EYS: variants seen among roughly 807,000 people sequenced by gnomAD.
EYS encodes the protein protein eyes shut homolog.
Under a neutral mutation model 282.1 loss-of-function variants are expected in EYS, and 250 were observed. The ratio of observed to expected loss-of-function variants is 0.89; its 90% CI spans 0.80 to 0.98. The LOEUF (loss-of-function observed/expected upper bound fraction) is 0.98. Ranked by LOEUF, EYS falls within the 50% of genes least tolerant of loss-of-function variation. EYS has a pLI of 0.00. For synonymous variants in EYS, 1,355 were observed against 1,282.9 expected (o/e 1.06, Z -1.20); for missense variants, 4,016 against 3,709.0 (o/e 1.08, Z -2.15).
intron 16 of EYS, among the ~76,000 whole-genome samples, chr6:64,903,915 G>T (rs1425138624): frequency 6.6e-6 from 1 of 151,870 alleles, no homozygotes; most frequent in Non-Finnish European, 1.5e-5. Flanking sequence ...AAAACTAAAA[G>T]TTACTTAATC....
intron 33 of EYS, among the ~76,000 whole-genome samples, chr6:64,008,959 T>C (rs1768476843): frequency 6.6e-6 from 1 of 152,184 alleles, no homozygotes; most frequent in African/African-American, 2.4e-5. Context: ...ATGGTCATCT[T>C]GTATAGTATC....
rs149739960 is a variant in EYS, at chr6:64,053,791, C to G, written c.6725+12547G>C. Among the ~76,000 whole-genome samples, 744 of 152,212 alleles carry G rather than the reference C, an allele frequency of 4.9e-3. 8 individuals are homozygous for G. Among genetic ancestry groups the G allele is most frequent in the African/African-American group, 0.017 (713 of 41,546 alleles). On this transcript the variant is annotated intron_variant, in intron 33 of 42. Coordinates refer to ENST00000503581, the MANE Select transcript of EYS (RefSeq NM_001142800.2). The stretch of plus-strand genomic sequence containing the variant: ...GCCTCTCCATTTAACCTTGAAGGCC[C>G]TCTACTAATGCCATTTCCTTTTTTG...
At chr6:65,572,827 C>T (rs1764525499) in intron 2 of EYS, among the ~76,000 whole-genome samples, 2 of 152,042 alleles carry the variant, frequency 1.3e-5, no homozygotes, top group Admixed American at 6.6e-5. Context: ...TATACAGGAA[C>T]ATCTATTTTA....
chr6:65,060,811 T>C (rs887110405), intron 12 of EYS, among the ~76,000 whole-genome samples: 1 of 149,764 alleles, frequency 6.7e-6, no homozygotes, highest in Non-Finnish European at 1.5e-5. Flanking sequence ...TACACACACA[T>C]ACATATATAT....
At chr6:64,775,364 A>G (rs1773647447) in intron 22 of EYS, among the ~76,000 whole-genome samples, 2 of 151,984 alleles carry the variant, frequency 1.3e-5, no homozygotes, top group Admixed American at 1.3e-4. Flanking sequence ...CAATAAAATT[A>G]TCCTGAGGCA....
chr6:65,048,683 A>G (rs901483162), intron 13 of EYS, among the ~76,000 whole-genome samples: 2 of 151,900 alleles, frequency 1.3e-5, no homozygotes, highest in Non-Finnish European at 1.5e-5. Context: ...TGACAGATTC[A>G]GTATGCTTGA....
chr6:65,677,777 G>A (rs1768676939), intron 1 of EYS, among the ~76,000 whole-genome samples: 1 of 151,900 alleles, frequency 6.6e-6, no homozygotes, highest in Non-Finnish European at 1.5e-5. Flanking sequence ...AAGCTAGAGG[G>A]CTAACTTCAA....
At chr6:63,996,370 C>A (rs1487216637) in intron 34 of EYS, among the ~76,000 whole-genome samples, 6 of 151,838 alleles carry the variant, frequency 4.0e-5, no homozygotes, top group Admixed American at 2.6e-4. Flanking sequence ...AGAAAAAGTT[C>A]TAGAGATCTG....
At chr6:64,274,894 T>G (rs1768060065) in intron 30 of EYS, among the ~76,000 whole-genome samples, 1 of 152,142 alleles carries the variant, frequency 6.6e-6, no homozygotes, top group Admixed American at 6.5e-5. Flanking sequence ...AAAGTTTGAA[T>G]GCCTAGTGGC....
intron 1 of EYS, among the ~76,000 whole-genome samples, chr6:65,692,971 T>C (rs891678502): frequency 6.7e-6 from 1 of 150,104 alleles, no homozygotes; most frequent in African/African-American, 2.4e-5. Context: ...GCTCCTGAGA[T>C]ACCTAGATGC....
intron 28 of EYS, among the ~76,000 whole-genome samples, chr6:64,401,941 T>C (rs1177761867): frequency 6.6e-6 from 1 of 152,118 alleles, no homozygotes; most frequent in Non-Finnish European, 1.5e-5. Flanking sequence ...ATGTTTCCTG[T>C]TTAGGCTTTT....
chr6:64,154,532 C>T (rs1380763104), intron 31 of EYS, among the ~76,000 whole-genome samples: 1 of 148,086 alleles, frequency 6.8e-6, no homozygotes, highest in Non-Finnish European at 1.5e-5. Context: ...GTAAATATAG[C>T]AAAATTTAGA....
chr6:63,826,845 C>CAAAAAAAAAAAAAAAAAAAAAAA (rs59957107), intron 36 of EYS, among the ~76,000 whole-genome samples: 1 of 76,762 alleles, frequency 1.3e-5, no homozygotes, highest in Non-Finnish European at 2.5e-5. Context: ...AGTTAAAAAG[C>CAAAAAAAAAAAAAAAAAAAAAAA]AAAAAAAAAA....
chr6:64,829,717 T>C (rs1163592063), intron 19 of EYS, among the ~76,000 whole-genome samples: 1 of 151,976 alleles, frequency 6.6e-6, no homozygotes, highest in Non-Finnish European at 1.5e-5. Flanking sequence ...CGGTATGCAC[T>C]CTATATCAAT....
chr6:63,822,702 G>T (rs369414286), intron 36 of EYS: 1 of 152,128 alleles, frequency 6.6e-6, no homozygotes, highest in East Asian at 1.9e-4. Flanking sequence ...AACAAAAATA[G>T]ATTTGTATCT....
intron 35 of EYS, among the ~76,000 whole-genome samples, chr6:63,876,247 A>G (rs1054320624): frequency 6.6e-6 from 1 of 152,170 alleles, no homozygotes; most frequent in Non-Finnish European, 1.5e-5. Context: ...GTCATTCAGG[A>G]GCAGGTTGTT....
At chr6:64,273,359 C>T (rs1385202782) in intron 30 of EYS, among the ~76,000 whole-genome samples, 1 of 151,922 alleles carries the variant, frequency 6.6e-6, no homozygotes. Context: ...TTTCCTTTAA[C>T]GTCATTGTTG....
chr6:64,640,214 A>G (rs1450999795), intron 22 of EYS, among the ~76,000 whole-genome samples: 1 of 145,404 alleles, frequency 6.9e-6, no homozygotes, highest in Non-Finnish European at 1.5e-5. Context: ...CCATCCCATT[A>G]CTGGGTATAT....
At chr6:65,423,820 A>C (rs374049072) in intron 5 of EYS, among the ~76,000 whole-genome samples, 1 of 152,012 alleles carries the variant, frequency 6.6e-6, no homozygotes, top group East Asian at 1.9e-4. Context: ...AAGATATTTT[A>C]TCTCTCTGTC....
Sources: allele counts gnomAD v4.1 joint callset (sites outside exome capture counted in the v4.1 genomes callset), GRCh38; gene constraint gnomAD v4.1.1; transcripts MANE v1.5; gene names NCBI Gene and HGNC (gene_info 2026-07-23, HGNC 2026-07-21).